The following THBS2 variants were observed in gnomAD, a reference collection of about 807,000 sequenced individuals.
The protein encoded by THBS2 is thrombospondin-2.
THBS2 carries 47 observed loss-of-function variants against 135.2 expected under a neutral mutation model. That is an observed-to-expected ratio of 0.35 (90% confidence interval 0.28 to 0.44). THBS2 has a LOEUF of 0.44. Ranked by LOEUF, THBS2 falls within the 20% of genes least tolerant of loss-of-function variation. The pLI is 1.00. For missense variants in THBS2, 1,288 were observed against 1,603.1 expected (o/e 0.80, Z 3.36); for synonymous variants, 639 against 633.8 (o/e 1.01, Z -0.12).
chr6:169,226,690 A>T (rs1779642638), intron 15 of THBS2, among the ~76,000 whole-genome samples: 1 of 152,232 alleles, frequency 6.6e-6, no homozygotes, highest in Admixed American at 6.5e-5. Context: ...AGTAGGAAAA[A>T]AACAATGGCA....
intron 7 of THBS2, 106 bp from the exon 8 acceptor site, chr6:169,237,901 A>G (rs1004344356): frequency 5.3e-6 from 7 of 1,323,954 alleles, no homozygotes; most frequent in Admixed American, 5.8e-5. Context: ...TCATGCATCC[A>G]GGAATCTGAG....
intron 4 of THBS2, among the ~76,000 whole-genome samples, chr6:169,242,212 C>A (rs1288559747): frequency 6.6e-6 from 1 of 152,068 alleles, no homozygotes; most frequent in Non-Finnish European, 1.5e-5. Context: ...CCCACGCTGC[C>A]ACATGTCACA....
chr6:169,247,101 G>A (rs1780577343), intron 3 of THBS2, among the ~76,000 whole-genome samples: 1 of 152,138 alleles, frequency 6.6e-6, no homozygotes, highest in Non-Finnish European at 1.5e-5. Flanking sequence ...AAAAAGTCTG[G>A]GATTGCTAGA....
Position 169,226,386 on chromosome 6 carries a change from G to A in THBS2, c.2420-88C>T, listed in dbSNP as rs531421274. 3.9e-4 allele frequency: 377 copies of A among 972,562 alleles called. 7 individuals carry two copies. The East Asian group carries it at 7.6e-3, about 20-fold the overall frequency. The allele number at this position is 972,562 out of a possible 1,614,324, so 60.2% of individuals were successfully genotyped here. On this transcript the variant is annotated intron_variant, in intron 15 of 21. Coordinates refer to ENST00000617924, the MANE Select transcript of THBS2 (RefSeq NM_003247.5). ...AAGCACATTGTTTTTCCTATCACAC[G>A]AAATTGCTTACAGCCACACTTCTAT...
chr6:169,224,785 T>TC (rs1013112836), intron 17 of THBS2, among the ~76,000 whole-genome samples: 1 of 152,174 alleles, frequency 6.6e-6, no homozygotes, highest in African/African-American at 2.4e-5. Flanking sequence ...ATCCTCCTTG[T>TC]CCCCTGCCTG....
In THBS2 at chr6:169,221,447, G is replaced by C. The variant is rs61730648; in HGVS notation, c.3354C>G (p.Pro1118=). The C allele has an allele frequency of 4.5e-3, 7,216 of 1,613,940 alleles. 273 individuals are homozygous for C. In the African/African-American group the frequency reaches 0.082, roughly 18 times the overall value. ...GCCCTCACCTGATGTAGCCAGTCTT[G>C]GGCCTGTGAGTCAGGTGCCACCTAT... is the stretch of plus-strand genomic sequence containing the variant. ...TAYRWHLTHR[P]KTGYIRVLVH... is the part of the protein sequence containing the mutation. Residue 1118 remains proline, a synonymous_variant, in exon 20 of 22, where the codon CCC becomes CCG. Transcript: ENST00000617924.
intron 17 of THBS2, 80 bp from the exon 18 acceptor site, chr6:169,223,555 C>T (rs1779510323): frequency 8.1e-7 from 1 of 1,236,416 alleles, no homozygotes; most frequent in African/African-American, 1.5e-5. Flanking sequence ...ATTTGCTTTT[C>T]CGTGTCTGAG....
chr6:169,219,946 AG>A, intron 21 of THBS2: 1 of 599,200 alleles, frequency 1.7e-6, no homozygotes, highest in Non-Finnish European at 3.0e-6. Context: ...TGGCACAATG[AG>A]GATGGGTGGG....
chr6:169,223,234 T>C lies in THBS2; in HGVS notation c.3001+14A>G. ...GAGAAATGCTGGCACCACCGCCGTG[T>C]CTCAGAGACTCACCTACAGCGATGC... On this transcript the variant is annotated intron_variant, in intron 18 of 21. Coordinates refer to ENST00000617924, the MANE Select transcript of THBS2 (RefSeq NM_003247.5). The C allele has an allele frequency of 1.9e-6, 3 of 1,605,534 alleles. No homozygotes were observed. Among genetic ancestry groups the C allele is most frequent in the Non-Finnish European group, 2.6e-6 (3 of 1,173,474 alleles).
intron 6 of THBS2, 35 bp from the exon 7 acceptor site, chr6:169,239,730 T>C: frequency 6.6e-7 from 1 of 1,519,878 alleles, no homozygotes; most frequent in South Asian, 1.2e-5. Flanking sequence ...GGAACACTCA[T>C]TTAAAAGGAG....
chr6:169,248,342 CCAGACG>C (rs2115034248), intron 3 of THBS2, 69 bp downstream of exon 3: 1 of 1,486,254 alleles, frequency 6.7e-7, no homozygotes, highest in Non-Finnish European at 9.1e-7. Flanking sequence ...CATCGCATCA[CCAGACG>C]CATTAGCAGA....
At position 169,217,763 on chromosome 6, in the gene THBS2, T is replaced by C; in HGVS notation, c.*59A>G. On this transcript the variant is annotated 3_prime_UTR_variant, in exon 22 of 22. Coordinates refer to ENST00000617924, the MANE Select transcript of THBS2 (RefSeq NM_003247.5). ...AGAAGCCACAAGGACCACAATGAAC[T>C]GAGGTGTCTAGGGACCATGGCATGC... 1 of 1,589,548 alleles carries C rather than the reference T, an allele frequency of 6.3e-7. No homozygotes were observed. The highest frequency in any genetic ancestry group is 8.6e-7 in the Non-Finnish European group (1 of 1,164,914).
chr6:169,241,380 T>C lies in THBS2; in HGVS notation c.891+382A>G, dbSNP rs566769556. On this transcript the variant is annotated intron_variant, in intron 5 of 21. Coordinates refer to ENST00000617924, the MANE Select transcript of THBS2 (RefSeq NM_003247.5). The surrounding 1 kb of genome is among the most constrained non-coding windows in gnomAD (Gnocchi z 5.5). ...CTATGCCAACATGCAGTCCTTGAAA[T>C]AAAATTATTTTCCTCTGCAGGTGTG... Among the ~76,000 whole-genome samples the C allele has an allele frequency of 6.6e-6, 1 of 152,112 alleles. No homozygotes were observed. Among genetic ancestry groups the C allele is most frequent in the South Asian group, 2.1e-4 (1 of 4,812 alleles).
chr6:169,250,199 C>A (rs1053601530), intron 2 of THBS2, among the ~76,000 whole-genome samples: 2 of 152,170 alleles, frequency 1.3e-5, no homozygotes, highest in Admixed American at 1.3e-4. Flanking sequence ...TTTGATTCAG[C>A]AATTCTAATT....
intron 4 of THBS2, among the ~76,000 whole-genome samples, chr6:169,242,248 A>C (rs891369830): frequency 6.6e-6 from 1 of 152,058 alleles, no homozygotes; most frequent in Non-Finnish European, 1.5e-5. Flanking sequence ...AAATTAGCTC[A>C]GGAGTGGGGA....
Position 169,223,160 on chromosome 6 carries a change from C to A in THBS2, c.3001+88G>T. ...CCAGAAAGACCACATGGCATCCCAC[C>A]TGCATGATCTTAAAGTGCAGTCTGC... On this transcript the variant is annotated intron_variant, in intron 18 of 21. Transcript: ENST00000617924. 2.4e-6 allele frequency: 3 copies of A among 1,253,582 alleles called. No homozygotes were observed. In the South Asian group the frequency reaches 4.4e-5, roughly 18 times the overall value. 77.7% of individuals were successfully genotyped at this position (1,253,582 alleles called of 1,614,324 possible).
Position 169,216,376 on chromosome 6 carries a change from C to CTATT in THBS2, c.*1442_*1445dup, listed in dbSNP as rs752375978. ...CCCTTATGTGGAGTGGGATGAGTGA[C>CTATT]TATTTCCTGCAGAAAGATCATGCAA... On this transcript the variant is annotated 3_prime_UTR_variant, in exon 22 of 22. Coordinates refer to ENST00000617924, the MANE Select transcript of THBS2 (RefSeq NM_003247.5). 4 of 152,064 alleles carry CTATT rather than the reference C, an allele frequency of 2.6e-5. No homozygotes were observed. Among genetic ancestry groups the CTATT allele is most frequent in the African/African-American group, 9.7e-5 (4 of 41,384 alleles). 9.4% of individuals were successfully genotyped at this position (152,064 alleles called of 1,614,324 possible). A position where few individuals can be genotyped will look rare whatever the true frequency, so the allele number is the denominator to read the frequency against.
rs184958698 is a variant in THBS2 at position 169,226,374 on chromosome 6, T to C, written c.2420-76A>G. ...TGAGTTTAGAAAAAGCACATTGTTT[T>C]TCCTATCACACGAAATTGCTTACAG... On this transcript the variant is annotated intron_variant, in intron 15 of 21. Transcript: ENST00000617924. 40 of 1,162,244 alleles carry C rather than the reference T, an allele frequency of 3.4e-5. 1 individual carries two copies. In the African/African-American group the frequency reaches 5.5e-4, roughly 16 times the overall value. 72.0% of individuals were successfully genotyped at this position (1,162,244 alleles called of 1,614,324 possible).
intron 4 of THBS2, among the ~76,000 whole-genome samples, chr6:169,245,636 C>T (rs1484861397): frequency 2.0e-5 from 3 of 151,768 alleles, no homozygotes; most frequent in East Asian, 3.9e-4. Flanking sequence ...ACTAAAAATA[C>T]AAAAAATTAG....
Sources: allele counts gnomAD v4.1 joint callset (sites outside exome capture counted in the v4.1 genomes callset), GRCh38; gene constraint gnomAD v4.1.1; non-coding constraint Gnocchi (gnomAD v3.1); transcripts MANE v1.5; gene names NCBI Gene and HGNC (gene_info 2026-07-23, HGNC 2026-07-21).